GALNT18: variants seen among roughly 807,000 people sequenced by gnomAD.
GALNT18 encodes polypeptide N-acetylgalactosaminyltransferase 18, also known as GalNAc-transferase 18.
GALNT18 carries 44 observed loss-of-function variants against 69.5 expected under a neutral mutation model. That is an observed-to-expected ratio of 0.63 (90% CI 0.50 to 0.81). The LOEUF is 0.81. GALNT18 is among the 40% of genes least tolerant of loss of function. GALNT18 has a pLI of 0.00. For missense variants in GALNT18, 715 were observed against 810.0 expected, an observed-to-expected ratio of 0.88 and a Z score of 1.42; for synonymous variants, 364 against 318.2, an observed-to-expected ratio of 1.14 and a Z score of -1.53.
chr11:11,507,091 A>G (rs1857082243), intron 1 of GALNT18, among the ~76,000 whole-genome samples: 1 of 152,196 alleles, frequency 6.6e-6, no homozygotes, highest in South Asian at 2.1e-4. Flanking sequence ...GTGATCTGTG[A>G]GTTGGTTGGC....
At chr11:11,557,155 C>T (rs542912046) in intron 1 of GALNT18, among the ~76,000 whole-genome samples, 3 of 152,252 alleles carry the variant, frequency 2.0e-5, no homozygotes, top group East Asian at 1.9e-4. Flanking sequence ...GAGGTGCCTC[C>T]AGATCCTTGC....
In GALNT18 at chr11:11,373,938, C is replaced by T. The variant is rs138186484; in HGVS notation, c.978-1309G>A. ...GGATGAGAAAACTGTCGGTCCATCA[C>T]ATGCAAATGAACCCATCTTTGAAAA... On this transcript the variant is annotated intron_variant, in intron 5 of 10. Coordinates refer to ENST00000227756, the MANE Select transcript of GALNT18 (RefSeq NM_198516.3). 1.1e-4 allele frequency among the ~76,000 whole-genome samples: 16 copies of T among 152,314 alleles called. No homozygotes were observed. The East Asian group carries it at 3.1e-3, about 29-fold the overall frequency.
intron 9 of GALNT18, among the ~76,000 whole-genome samples, chr11:11,304,058 A>G (rs1849538593): frequency 6.6e-6 from 1 of 152,184 alleles, no homozygotes; most frequent in South Asian, 2.1e-4. Flanking sequence ...TGTTACAAAG[A>G]GCCAAGTAGA....
intron 1 of GALNT18, among the ~76,000 whole-genome samples, chr11:11,485,468 T>C (rs1284516488): frequency 6.6e-6 from 1 of 152,176 alleles, no homozygotes; most frequent in Non-Finnish European, 1.5e-5. Context: ...AAGAAATGCA[T>C]GGTGTAAGGC....
rs139247942 is a variant in GALNT18 at position 11,433,499 on chromosome 11, C to G, written c.429-712G>C. 2.0e-5 allele frequency among the ~76,000 whole-genome samples: 3 copies of G among 152,336 alleles called. No homozygotes were observed. The East Asian group carries it at 5.8e-4, about 29-fold the overall frequency. ...AATCCCAACTCTGGTCCTCTGACAC[C>G]TGCACCAGGATCTCTCCTTGAAGCA... On this transcript the variant is annotated intron_variant, in intron 2 of 10. Coordinates refer to ENST00000227756, the MANE Select transcript of GALNT18 (RefSeq NM_198516.3).
intron 3 of GALNT18, among the ~76,000 whole-genome samples, chr11:11,391,246 C>A (rs1339971342): frequency 6.6e-6 from 1 of 152,240 alleles, no homozygotes; most frequent in African/African-American, 2.4e-5. Context: ...TATTTAACAA[C>A]CCCTTAACAG....
chr11:11,520,989 G>C (rs2133927948), intron 1 of GALNT18, among the ~76,000 whole-genome samples: 1 of 152,178 alleles, frequency 6.6e-6, no homozygotes. Context: ...GCCTTCCACT[G>C]CTGTCTAGGA....
chr11:11,401,163 G>A (rs1021467908), intron 3 of GALNT18, among the ~76,000 whole-genome samples: 4 of 152,042 alleles, frequency 2.6e-5, no homozygotes, highest in African/African-American at 7.2e-5. Flanking sequence ...ACTCCATTCC[G>A]TCAGGAAAAA....
intron 3 of GALNT18, among the ~76,000 whole-genome samples, chr11:11,392,721 A>G (rs530803151): frequency 6.6e-6 from 1 of 152,338 alleles, no homozygotes; most frequent in South Asian, 2.1e-4. Flanking sequence ...TGGGCTCACC[A>G]AGTTTGTTTC....
In GALNT18 at chr11:11,596,105, T is replaced by C. The variant is rs1347434413; in HGVS notation, c.235+25254A>G. Reference sequence around the variant, plus strand: ...GACAACTTTATTCTTAACATGTAGATATCCAGTTGTTCCAGCACCATGTGT... The same window carrying C: ...GACAACTTTATTCTTAACATGTAGACATCCAGTTGTTCCAGCACCATGTGT... On this transcript the variant is annotated intron_variant, in intron 1 of 10. Coordinates refer to ENST00000227756, the MANE Select transcript of GALNT18 (RefSeq NM_198516.3). This position sits in a 1 kb window ranked among gnomAD's most constrained non-coding sequence, Gnocchi z 4.2. 6.6e-6 allele frequency among the ~76,000 whole-genome samples: 1 copy of C among 152,206 alleles called. No individual in the cohort carries two copies. The highest frequency in any genetic ancestry group is 1.5e-5 in the Non-Finnish European group (1 of 68,028).
chr11:11,550,850 G>A (rs1858170988), intron 1 of GALNT18, among the ~76,000 whole-genome samples: 4 of 152,272 alleles, frequency 2.6e-5, no homozygotes, highest in Admixed American at 2.6e-4. Context: ...GTGACTAGTG[G>A]CTACCATCCT....
chr11:11,344,436 C>T (rs1014018368), intron 6 of GALNT18, among the ~76,000 whole-genome samples: 1 of 152,162 alleles, frequency 6.6e-6, no homozygotes, highest in African/African-American at 2.4e-5. Flanking sequence ...ATTGCAATTG[C>T]TTGTTTAATC....
Position 11,309,716 on chromosome 11 carries a change from T to C in GALNT18, c.1513-16523A>G, listed in dbSNP as rs1380068272. 2.0e-5 allele frequency among the ~76,000 whole-genome samples: 3 copies of C among 152,182 alleles called. No individual in the cohort carries two copies. Among genetic ancestry groups the C allele is most frequent in the Non-Finnish European group, 4.4e-5 (3 of 68,030 alleles). On this transcript the variant is annotated intron_variant, in intron 9 of 10. Transcript: ENST00000227756. This position sits in a 1 kb window ranked among gnomAD's most constrained non-coding sequence, Gnocchi z 4.6. ...ACCTAGTATTACTTCTTTGGGTACC[T>C]GCTCAGCAGCTGAGCCACTTTCACT...
intron 3 of GALNT18, among the ~76,000 whole-genome samples, chr11:11,423,710 G>A (rs1375287359): frequency 6.6e-6 from 1 of 152,212 alleles, no homozygotes; most frequent in Non-Finnish European, 1.5e-5. Flanking sequence ...AGAGACCCAT[G>A]GTGTACCAGA....
chr11:11,500,739 G>A lies in GALNT18; in HGVS notation c.236-51803C>T, dbSNP rs186199820. Among the ~76,000 whole-genome samples, 121 of 152,294 alleles carry A rather than the reference G, an allele frequency of 7.9e-4. No homozygotes were observed. The highest frequency in any genetic ancestry group is 1.8e-3 in the Admixed American group (27 of 15,296). ...CCTCCTCTCCTTACTTCTCTTTATG[G>A]ATAGTGAATTGCCTCAGGTAAGGAG... On this transcript the variant is annotated intron_variant, in intron 1 of 10. Coordinates refer to ENST00000227756, the MANE Select transcript of GALNT18 (RefSeq NM_198516.3). This position sits in a 1 kb window ranked among gnomAD's most constrained non-coding sequence, Gnocchi z 5.0.
At chr11:11,458,491 T>C (rs1480154037) in intron 1 of GALNT18, among the ~76,000 whole-genome samples, 1 of 152,198 alleles carries the variant, frequency 6.6e-6, no homozygotes, top group Non-Finnish European at 1.5e-5. Context: ...TGTTCAGAAA[T>C]GTACATTTCT....
intron 3 of GALNT18, among the ~76,000 whole-genome samples, chr11:11,391,856 C>T (rs1179496178): frequency 6.6e-6 from 1 of 152,224 alleles, no homozygotes; most frequent in African/African-American, 2.4e-5. Context: ...CAACTGGAAG[C>T]GCTGTGCACA....
rs1036980186 is a variant in GALNT18 at position 11,603,728 on chromosome 11, G to A, written c.235+17631C>T. Among the ~76,000 whole-genome samples the A allele has an allele frequency of 2.0e-5, 3 of 152,086 alleles. No individual in the cohort carries two copies. Among genetic ancestry groups the A allele is most frequent in the African/African-American group, 7.3e-5 (3 of 41,378 alleles). On this transcript the variant is annotated intron_variant, in intron 1 of 10. Coordinates refer to ENST00000227756, the MANE Select transcript of GALNT18 (RefSeq NM_198516.3). The surrounding 1 kb of genome is among the most constrained non-coding windows in gnomAD (Gnocchi z 4.5). ...TTATTTGAGACATCTGGCTAGCTGG[G>A]GACTGCATGGACTAAGGTCTCCCAA...
Position 11,294,913 on chromosome 11 carries a change from T to C in GALNT18, c.1513-1720A>G, listed in dbSNP as rs184555139. Among the ~76,000 whole-genome samples, 4 of 152,010 alleles carry C rather than the reference T, an allele frequency of 2.6e-5. No individual in the cohort carries two copies. The East Asian group carries it at 7.7e-4, about 29-fold the overall frequency. On this transcript the variant is annotated intron_variant, in intron 9 of 10. Transcript: ENST00000227756. ...ATTACGCCTCAGAAACAAACCAAGATACCACACTTTTCCACTTTAGGTTAG... is the reference window on the plus strand; with the variant it reads ...ATTACGCCTCAGAAACAAACCAAGACACCACACTTTTCCACTTTAGGTTAG...
Sources: gnomAD v4.1 joint callset for allele counts (sites outside exome capture counted in the v4.1 genomes callset) on GRCh38, gnomAD v4.1.1 for gene constraint, Gnocchi (gnomAD v3.1) non-coding constraint, MANE v1.5 for transcripts, NCBI Gene and HGNC (gene_info 2026-07-23, HGNC 2026-07-21) for gene names.